Variants in TTC6 observed in about 807,000 individuals in gnomAD.
TTC6 encodes the protein tetratricopeptide repeat protein 6.
TTC6 carries 172 observed loss-of-function variants against 210.4 expected under a neutral mutation model. The observed-to-expected ratio is 0.82, with a 90% CI of 0.72 to 0.93. TTC6 has a LOEUF of 0.93. Ranked by LOEUF, TTC6 falls within the 40% of genes least tolerant of loss-of-function variation. TTC6 has a pLI of 0.00. For synonymous variants in TTC6, 804 were observed against 819.6 expected (o/e 0.98, Z 0.32); for missense variants, 2,414 against 2,318.1 (o/e 1.04, Z -0.85).
At chr14:37,682,763 G>A in exon 3 of TTC6, 1 of 1,535,452 alleles carries the variant, frequency 6.5e-7, no homozygotes. Context: ...AACAGAGCGT[G>A]CATAAGGAAC....
intron 28 of TTC6, among the ~76,000 whole-genome samples, chr14:37,826,748 C>G (rs2096172773): frequency 6.6e-6 from 1 of 152,058 alleles, no homozygotes. Context: ...AATGCAGTGA[C>G]AGAAACTCTT....
rs12100757 is a variant in TTC6 at position 37,667,828 on chromosome 14, G to A, written c.940-12323G>A. ...ACTAAAGTTTATTCACCAGACACTA[G>A]TATTAATTTATTTTAAAATTTGGCT... is the stretch of plus-strand genomic sequence containing the variant. On this transcript the variant is annotated intron_variant, in intron 1 of 30. Coordinates refer to ENST00000553443, the Ensembl canonical transcript of TTC6. Among the ~76,000 whole-genome samples, 83 of 150,668 alleles carry A rather than the reference G, an allele frequency of 5.5e-4. 2 individuals carry two copies. Among genetic ancestry groups the A allele is most frequent in the African/African-American group, 1.9e-3 (80 of 41,444 alleles).
At chr14:37,806,468 G>A (rs1465861932) in exon 22 of TTC6, 5 of 1,534,812 alleles carry the variant, frequency 3.3e-6, no homozygotes, top group Non-Finnish European at 4.4e-6. Flanking sequence ...GCTCGATTCT[G>A]GATTTTAATC....
At chr14:37,791,251 G>A (rs552579664) in intron 16 of TTC6, among the ~76,000 whole-genome samples, 7 of 152,234 alleles carry the variant, frequency 4.6e-5, no homozygotes, top group African/African-American at 1.7e-4. Flanking sequence ...ATGGAAGGCA[G>A]CCTTCTATTT....
chr14:37,681,825 A>C (rs2095784404), intron 2 of TTC6, among the ~76,000 whole-genome samples: 1 of 152,136 alleles, frequency 6.6e-6, no homozygotes, highest in African/African-American at 2.4e-5. Context: ...TGCAGAGGAC[A>C]CACACACAAA....
chr14:37,682,642 A>T, intron 2 of TTC6, 116 bp from the exon 5 acceptor site: 1 of 821,842 alleles, frequency 1.2e-6, no homozygotes, highest in Non-Finnish European at 1.9e-6. Flanking sequence ...ACCTATGCTT[A>T]GTTTCAAGCA....
chr14:37,700,770 A>G (rs925868769), intron 4 of TTC6, among the ~76,000 whole-genome samples: 3 of 150,592 alleles, frequency 2.0e-5, no homozygotes, highest in African/African-American at 7.4e-5. Context: ...AAAAAAAAAA[A>G]AAAAGCAGAT....
At chr14:37,669,603 A>G (rs2095754605) in intron 1 of TTC6, among the ~76,000 whole-genome samples, 2 of 152,176 alleles carry the variant, frequency 1.3e-5, no homozygotes, top group Admixed American at 6.5e-5. Flanking sequence ...ATCAATATAT[A>G]TGTTCATCTA....
intron 8 of TTC6, among the ~76,000 whole-genome samples, chr14:37,737,286 G>A (rs1318986705): frequency 6.6e-6 from 1 of 152,098 alleles, no homozygotes; most frequent in African/African-American, 2.4e-5. Context: ...CACTAATGCA[G>A]CCCCAGGGTT....
intron 14 of TTC6, among the ~76,000 whole-genome samples, chr14:37,773,709 C>T (rs1036537575): frequency 6.6e-6 from 1 of 152,008 alleles, no homozygotes; most frequent in Non-Finnish European, 1.5e-5. Context: ...CAGCTTTGTT[C>T]CTTTTGCTTA....
intron 20 of TTC6, among the ~76,000 whole-genome samples, chr14:37,803,516 G>T (rs1200844867): frequency 2.0e-5 from 3 of 152,128 alleles, no homozygotes; most frequent in Admixed American, 1.3e-4. Context: ...AGGAAGTGAA[G>T]ACATGTTCAT....
chr14:37,785,635 C>T (rs1566953141), intron 14 of TTC6, among the ~76,000 whole-genome samples: 1 of 152,230 alleles, frequency 6.6e-6, no homozygotes, highest in Non-Finnish European at 1.5e-5. Flanking sequence ...TCGTCGAAGT[C>T]ATTCCTCATC....
At chr14:37,832,329 C>CTTTTTTTTTTT (rs58133834) in intron 29 of TTC6, among the ~76,000 whole-genome samples, 3 of 68,910 alleles carry the variant, frequency 4.4e-5, no homozygotes, top group African/African-American at 5.6e-5. Context: ...TTCTTTCTCT[C>CTTTTTTTTTTT]TTTTTTTTTT....
At chr14:37,831,787 T>G (rs1490679680) in intron 29 of TTC6, among the ~76,000 whole-genome samples, 1 of 152,118 alleles carries the variant, frequency 6.6e-6, no homozygotes, top group Non-Finnish European at 1.5e-5. Context: ...GAATGAGATC[T>G]TTTTTGTTGC....
At chr14:37,807,205 T>A in intron 22 of TTC6, 115 bp from the exon 25 acceptor site, 1 of 986,904 alleles carries the variant, frequency 1.0e-6, no homozygotes, top group Non-Finnish European at 1.3e-6. Context: ...AAAAAGACTA[T>A]ATTTTAATAC....
At chr14:37,701,477 G>C in exon 5 of TTC6, 1 of 1,522,510 alleles carries the variant, frequency 6.6e-7, no homozygotes, top group Non-Finnish European at 8.8e-7. Flanking sequence ...TGGAAAATTT[G>C]GAACCTCTTT....
intron 3 of TTC6, among the ~76,000 whole-genome samples, chr14:37,689,245 A>G (rs907340073): frequency 6.6e-6 from 1 of 152,094 alleles, no homozygotes; most frequent in Admixed American, 6.6e-5. Flanking sequence ...TAGCTTAAAG[A>G]CAGGCTATTT....
intron 5 of TTC6, among the ~76,000 whole-genome samples, chr14:37,706,700 G>A (rs752570218): frequency 5.9e-5 from 9 of 152,012 alleles, no homozygotes; most frequent in Admixed American, 1.3e-4. Flanking sequence ...TTTTTTCTGC[G>A]TGTGTGGGAG....
intron 7 of TTC6, among the ~76,000 whole-genome samples, chr14:37,733,481 G>C (rs553646126): frequency 6.6e-6 from 1 of 152,086 alleles, no homozygotes; most frequent in East Asian, 1.9e-4. Flanking sequence ...TCATTCTTGA[G>C]GAATATTTTA....
Sources: allele counts gnomAD v4.1 joint callset (sites outside exome capture counted in the v4.1 genomes callset), GRCh38; gene constraint gnomAD v4.1.1; transcripts MANE v1.5; gene names NCBI Gene and HGNC (gene_info 2026-07-23, HGNC 2026-07-21).